The following WNK1 variants were observed in gnomAD, a reference collection of about 807,000 sequenced individuals.
WNK1 encodes the protein WNK lysine deficient protein kinase 1.
WNK1 carries 38 observed loss-of-function variants against 222.8 expected under a neutral mutation model. The ratio of observed to expected loss-of-function variants is 0.17; its 90% CI spans 0.13 to 0.22. The LOEUF is 0.22. Among genes scored for constraint, WNK1 ranks in the 10% least tolerant of loss-of-function variants. The pLI, the probability that WNK1 is intolerant of heterozygous loss-of-function variation, is 1.00. For missense variants in WNK1, 2,348 were observed against 2,918.4 expected, an observed-to-expected ratio of 0.80 and a Z score of 4.50; for synonymous variants, 1,090 against 1,092.9, an observed-to-expected ratio of 1.00 and a Z score of 0.05.
At chr12:837,436 C>T (rs897382739) in intron 4 of WNK1, among the ~76,000 whole-genome samples, 1 of 151,746 alleles carries the variant, frequency 6.6e-6, no homozygotes, top group Non-Finnish European at 1.5e-5. Context: ...TAGCCATGCG[C>T]GGTGGCGGGC....
chr12:793,367 G>C (rs1945021431), intron 1 of WNK1, among the ~76,000 whole-genome samples: 1 of 152,116 alleles, frequency 6.6e-6, no homozygotes, highest in Non-Finnish European at 1.5e-5. Context: ...AAAACGTGTT[G>C]GTTCTCCTAA....
At chr12:836,452 A>G (rs1009421740) in intron 4 of WNK1, among the ~76,000 whole-genome samples, 1 of 152,230 alleles carries the variant, frequency 6.6e-6, no homozygotes, top group African/African-American at 2.4e-5. Context: ...AATGTCTTCT[A>G]TCTCAATAGA....
Position 908,861 on chromosome 12 carries a change from G to GTGGCC in WNK1, c.*69_*70insTGGCC. ...ATGCTGAGGGGGTGGGTGGGGGTGGGAAGTAGCCTATATACTAACTACTAG... is the reference window on the plus strand; with the variant it reads ...ATGCTGAGGGGGTGGGTGGGGGTGGGTGGCCAAGTAGCCTATATACTAACTACTAG... On this transcript the variant is annotated 3_prime_UTR_variant, in exon 28 of 28. Transcript: ENST00000315939. The GTGGCC allele has an allele frequency of 2.0e-6, 1 of 491,846 alleles. No individual in the cohort carries two copies. The highest frequency in any genetic ancestry group is 4.1e-6 in the Non-Finnish European group (1 of 241,770). The allele number at this position is 491,846 out of a possible 1,614,324, so 30.5% of individuals were successfully genotyped here.
chr12:755,822 A>G (rs2121182373), intron 1 of WNK1, among the ~76,000 whole-genome samples: 1 of 152,294 alleles, frequency 6.6e-6, no homozygotes, highest in East Asian at 1.9e-4. Flanking sequence ...TAAAAATACA[A>G]AAATTAGCCG....
rs1010109594 is a variant in WNK1, at chr12:890,355, T to C, written c.5449-98T>C. ...AAGTGTTTCATCACATATACTGTCT[T>C]TCTGCCCTTTTACAAAGACCATAGG... On this transcript the variant is annotated intron_variant, in intron 21 of 27. Transcript: ENST00000315939. 8 of 1,193,784 alleles carry C rather than the reference T, an allele frequency of 6.7e-6. No individual in the cohort carries two copies. The African/African-American group carries it at 1.2e-4, about 18-fold the overall frequency. 73.9% of individuals were successfully genotyped at this position (1,193,784 alleles called of 1,614,324 possible).
In WNK1 at chr12:869,795, A is replaced by T. The variant is rs116279533; in HGVS notation, c.2140-1470A>T. Among the ~76,000 whole-genome samples the T allele has an allele frequency of 4.1e-3, 621 of 151,942 alleles. 4 individuals are homozygous for T. The highest frequency in any genetic ancestry group is 0.014 in the African/African-American group (585 of 41,504). On this transcript the variant is annotated intron_variant, in intron 8 of 27. Coordinates refer to ENST00000315939, the MANE Select transcript of WNK1 (RefSeq NM_018979.4). Reference sequence around the variant, plus strand: ...CTGATTCTAATTTTTAGCAACTAACAATCTAGTGAGTGGTGGGCTTTTTTT... The same window carrying T: ...CTGATTCTAATTTTTAGCAACTAACTATCTAGTGAGTGGTGGGCTTTTTTT...
chr12:867,920 A>C, intron 8 of WNK1: 1 of 1,613,990 alleles, frequency 6.2e-7, no homozygotes, highest in Non-Finnish European at 8.5e-7. Flanking sequence ...AGAATCACAG[A>C]TATTTTTCCC....
At chr12:772,178 T>TA (rs899166713) in intron 1 of WNK1, among the ~76,000 whole-genome samples, 3 of 152,136 alleles carry the variant, frequency 2.0e-5, no homozygotes, top group African/African-American at 7.2e-5. Context: ...AAAAAGGAAA[T>TA]AAAAAATCAC....
In WNK1 at chr12:872,802, T is replaced by C. The variant is rs550356135; in HGVS notation, c.2223+1454T>C. The stretch of plus-strand genomic sequence containing the variant: ...TTAATTACAAATGGCCCTTTTTCAG[T>C]CCAACATATGGTCATGTAGTCATTC... On this transcript the variant is annotated intron_variant, in intron 9 of 27. Transcript: ENST00000315939. Among the ~76,000 whole-genome samples, 7 of 152,310 alleles carry C rather than the reference T, an allele frequency of 4.6e-5. No individual in the cohort carries two copies. In the East Asian group the frequency reaches 1.3e-3, roughly 29 times the overall value.
chr12:767,030 G>C (rs1298005348), intron 1 of WNK1, among the ~76,000 whole-genome samples: 3 of 152,144 alleles, frequency 2.0e-5, no homozygotes, highest in African/African-American at 4.8e-5. Context: ...GCCCACCTGG[G>C]CCTCCCAAAG....
intron 2 of WNK1, among the ~76,000 whole-genome samples, chr12:814,847 A>G (rs866123423): frequency 6.6e-6 from 1 of 152,076 alleles, no homozygotes; most frequent in African/African-American, 2.4e-5. Context: ...TAGTTATACA[A>G]CTCACCATAA....
In WNK1 at chr12:813,656, A is replaced by G. The variant is rs1555105614; in HGVS notation, c.774A>G (p.Thr258=). The change falls in exon 2 of 28, where the codon ACA becomes ACG. Residue 258 remains threonine, a synonymous_variant. Coordinates refer to ENST00000315939, the MANE Select transcript of WNK1 (RefSeq NM_018979.4). The part of the protein sequence containing the change: ...AWCELQDRKL[T]KSERQRFKEE... Reference sequence around the variant, plus strand: ...TTTGATTTTAGGATCGAAAATTAACAAAGTCTGAGAGGCAGAGATTTAAAG... The same window carrying G: ...TTTGATTTTAGGATCGAAAATTAACGAAGTCTGAGAGGCAGAGATTTAAAG... The G allele has an allele frequency of 9.9e-6, 16 of 1,613,666 alleles. No individual in the cohort carries two copies. The highest frequency in any genetic ancestry group is 1.4e-5 in the Non-Finnish European group (16 of 1,179,894).
intron 4 of WNK1, among the ~76,000 whole-genome samples, chr12:841,358 A>G (rs1415333453): frequency 6.6e-6 from 1 of 152,216 alleles, no homozygotes; most frequent in African/African-American, 2.4e-5. Flanking sequence ...ATGGAATTAT[A>G]CAATAAGTGG....
At chr12:848,366 A>G (rs577447798) in intron 4 of WNK1, among the ~76,000 whole-genome samples, 76 of 152,280 alleles carry the variant, frequency 5.0e-4, no homozygotes, top group Non-Finnish European at 1.0e-3. Flanking sequence ...GATGAAGAGA[A>G]TGGAAATATG....
At chr12:775,717 C>A (rs1363943836) in intron 1 of WNK1, among the ~76,000 whole-genome samples, 5 of 152,110 alleles carry the variant, frequency 3.3e-5, no homozygotes, top group Non-Finnish European at 7.4e-5. Flanking sequence ...GGCTTGTGTT[C>A]TCAAATTGGT....
At position 889,154 on chromosome 12, in the gene WNK1, A is replaced by G. The variant is rs1214304611; in HGVS notation, c.5379A>G (p.Leu1793=). The change falls in exon 21 of 28, where the codon CTA becomes CTG. Residue 1793 remains leucine, a synonymous_variant. Transcript: ENST00000315939. ...TTTTCATTCAGTCCCAGCAACCTCT[A>G]GAGGATCTTGATGCTCAATTGAGAA... The part of the protein sequence containing the change: ...GPSLTQSQQP[L]EDLDAQLRRT... 2.5e-6 allele frequency: 4 copies of G among 1,614,056 alleles called. No individual in the cohort carries two copies. Among genetic ancestry groups the G allele is most frequent in the Non-Finnish European group, 2.5e-6 (3 of 1,179,956 alleles).
At chr12:798,383 G>A (rs1404498891) in intron 1 of WNK1, among the ~76,000 whole-genome samples, 2 of 152,026 alleles carry the variant, frequency 1.3e-5, no homozygotes, top group African/African-American at 4.8e-5. Context: ...TAGTAGAGAC[G>A]GAGTTTCACT....
intron 1 of WNK1, among the ~76,000 whole-genome samples, chr12:809,228 A>G (rs1265258476): frequency 3.2e-5 from 2 of 62,162 alleles, no homozygotes; most frequent in Non-Finnish European, 7.6e-5. Context: ...TTTTGAGGAA[A>G]AAAAAAAAAA....
chr12:797,798 A>C (rs1404801573), intron 1 of WNK1, among the ~76,000 whole-genome samples: 1 of 151,772 alleles, frequency 6.6e-6, no homozygotes, highest in Non-Finnish European at 1.5e-5. Context: ...AATACAAAAA[A>C]ATTAGCCGGG....
Sources: allele counts gnomAD v4.1 joint callset (sites outside exome capture counted in the v4.1 genomes callset), GRCh38; gene constraint gnomAD v4.1.1; transcripts MANE v1.5; gene names NCBI Gene and HGNC (gene_info 2026-07-23, HGNC 2026-07-21).